The following XPR1 variants were observed in gnomAD, a reference collection of about 807,000 sequenced individuals.
The protein encoded by XPR1 is solute carrier family 53 member 1.
XPR1 carries 28 observed loss-of-function variants against 87.5 expected under a neutral mutation model. The observed-to-expected ratio is 0.32, with a 90% confidence interval of 0.24 to 0.44. The LOEUF is 0.44. Ranked by LOEUF, XPR1 falls within the 20% of genes least tolerant of loss-of-function variation. The pLI is 1.00. For synonymous variants in XPR1, 300 were observed against 306.1 expected (o/e 0.98, Z 0.21); for missense variants, 559 against 862.3 (o/e 0.65, Z 4.41).
intron 2 of XPR1, among the ~76,000 whole-genome samples, chr1:180,779,330 C>T (rs925862655): frequency 2.0e-5 from 3 of 152,080 alleles, no homozygotes; most frequent in African/African-American, 7.2e-5. Context: ...GAGGGCAGGA[C>T]CTACATTTAT....
At chr1:180,666,967 G>A (rs1042850489) in intron 1 of XPR1, among the ~76,000 whole-genome samples, 1 of 151,750 alleles carries the variant, frequency 6.6e-6, no homozygotes, top group Non-Finnish European at 1.5e-5. Context: ...CCAGGCTGGA[G>A]TGCAGTGGCG....
chr1:180,679,195 A>G (rs886735289), intron 1 of XPR1, among the ~76,000 whole-genome samples: 1 of 151,802 alleles, frequency 6.6e-6, no homozygotes. Context: ...ACTCCATCTC[A>G]AAAAACAAAA....
chr1:180,715,884 G>A (rs534268605), intron 2 of XPR1, among the ~76,000 whole-genome samples: 4 of 152,056 alleles, frequency 2.6e-5, no homozygotes, highest in Admixed American at 6.5e-5. Flanking sequence ...TGTTGCTCAC[G>A]CTGGTCTCCA....
intron 12 of XPR1, 38 bp downstream of exon 12, chr1:180,863,912 T>G: frequency 6.5e-7 from 1 of 1,526,826 alleles, no homozygotes; most frequent in Non-Finnish European, 8.8e-7. Flanking sequence ...AAGAACAAAC[T>G]TAGGTATACC....
At chr1:180,749,210 A>T (rs1256346227) in intron 2 of XPR1, among the ~76,000 whole-genome samples, 1 of 152,224 alleles carries the variant, frequency 6.6e-6, no homozygotes, top group East Asian at 1.9e-4. Context: ...AAAAAAATAG[A>T]AGAAAAGGAA....
At chr1:180,764,459 G>C (rs1473718112) in intron 2 of XPR1, among the ~76,000 whole-genome samples, 1 of 150,864 alleles carries the variant, frequency 6.6e-6, no homozygotes. Context: ...AAACTTTCTT[G>C]TTATTTTTGT....
chr1:180,661,429 TTC>T (rs1351981522), intron 1 of XPR1, among the ~76,000 whole-genome samples: 1 of 152,084 alleles, frequency 6.6e-6, no homozygotes, highest in East Asian at 1.9e-4. Flanking sequence ...CCTTCCTGTA[TTC>T]TTTTTAGTGA....
At chr1:180,698,536 G>C (rs913688503) in intron 2 of XPR1, among the ~76,000 whole-genome samples, 3 of 151,984 alleles carry the variant, frequency 2.0e-5, no homozygotes, top group Non-Finnish European at 4.4e-5. Flanking sequence ...GTGGTTTGGT[G>C]GTTTTCTGTA....
At chr1:180,662,600 G>A (rs982798382) in intron 1 of XPR1, among the ~76,000 whole-genome samples, 2 of 152,088 alleles carry the variant, frequency 1.3e-5, no homozygotes, top group Non-Finnish European at 2.9e-5. Context: ...ATGCCTTAAG[G>A]TAATCTTCTT....
chr1:180,697,394 T>G (rs1410887377), intron 2 of XPR1, among the ~76,000 whole-genome samples: 2 of 152,010 alleles, frequency 1.3e-5, no homozygotes, highest in Non-Finnish European at 2.9e-5. Context: ...TCCATTTTAT[T>G]TTTTCAAAAA....
intron 2 of XPR1, among the ~76,000 whole-genome samples, chr1:180,775,485 C>T (rs1648678500): frequency 6.6e-6 from 1 of 152,074 alleles, no homozygotes; most frequent in Admixed American, 6.6e-5. Flanking sequence ...TAGTATTCAT[C>T]TTGGATTATC....
chr1:180,800,598 C>T (rs575118240), intron 3 of XPR1, among the ~76,000 whole-genome samples: 27 of 152,298 alleles, frequency 1.8e-4, no homozygotes, highest in African/African-American at 5.5e-4. Flanking sequence ...ACCTACAAAA[C>T]GGTGAGCTAA....
At chr1:180,848,183 A>G (rs990603585) in intron 11 of XPR1, among the ~76,000 whole-genome samples, 1 of 152,192 alleles carries the variant, frequency 6.6e-6, no homozygotes, top group Admixed American at 6.5e-5. Flanking sequence ...AACACTCACT[A>G]TCCTTCTAGC....
chr1:180,646,598 T>C (rs1348839841), intron 1 of XPR1, among the ~76,000 whole-genome samples: 1 of 152,154 alleles, frequency 6.6e-6, no homozygotes, highest in African/African-American at 2.4e-5. Context: ...AAATGCAGCT[T>C]TCTTTTTTTT....
At chr1:180,734,286 C>T (rs1331219311) in intron 2 of XPR1, among the ~76,000 whole-genome samples, 1 of 152,186 alleles carries the variant, frequency 6.6e-6, no homozygotes, top group Non-Finnish European at 1.5e-5. Flanking sequence ...TCAGGTTCTG[C>T]AACCATGATA....
intron 1 of XPR1, among the ~76,000 whole-genome samples, chr1:180,668,311 T>C (rs1032396354): frequency 2.6e-5 from 4 of 151,990 alleles, no homozygotes; most frequent in African/African-American, 9.7e-5. Context: ...GGGCTTTTAG[T>C]AGAGACGGGG....
intron 2 of XPR1, among the ~76,000 whole-genome samples, chr1:180,734,214 C>T (rs1658652758): frequency 1.3e-5 from 2 of 152,302 alleles, no homozygotes; most frequent in South Asian, 4.1e-4. Flanking sequence ...TTAGGGCCTG[C>T]TGCTTGCTGC....
intron 2 of XPR1, among the ~76,000 whole-genome samples, chr1:180,774,985 A>AT (rs1449725468): frequency 6.6e-6 from 1 of 152,196 alleles, no homozygotes; most frequent in Admixed American, 6.5e-5. Context: ...ATGTCCTTAC[A>AT]TGGCAGAAAG....
At chr1:180,643,293 T>C (rs1557935427) in intron 1 of XPR1, among the ~76,000 whole-genome samples, 1 of 152,200 alleles carries the variant, frequency 6.6e-6, no homozygotes, top group Non-Finnish European at 1.5e-5. Context: ...GTGCTTTTTT[T>C]CACATTTTAA....
Sources: gnomAD v4.1 joint callset for allele counts (sites outside exome capture counted in the v4.1 genomes callset) on GRCh38, gnomAD v4.1.1 for gene constraint, MANE v1.5 for transcripts, NCBI Gene and HGNC (gene_info 2026-07-23, HGNC 2026-07-21) for gene names.